Variants in RPTOR observed in about 807,000 individuals in gnomAD.
The protein encoded by RPTOR is regulatory-associated protein of mTOR.
Under a neutral mutation model 169.9 loss-of-function variants are expected in RPTOR, and 21 were observed. The ratio of observed to expected loss-of-function variants is 0.12; its 90% CI spans 0.09 to 0.18. RPTOR has a LOEUF of 0.18. Ranked by LOEUF, RPTOR falls within the 10% of genes least tolerant of loss-of-function variation. RPTOR has a pLI of 1.00. For missense variants in RPTOR, 1,133 were observed against 1,855.9 expected, an observed-to-expected ratio of 0.61 and a Z score of 7.16; for synonymous variants, 732 against 753.2, an observed-to-expected ratio of 0.97 and a Z score of 0.46.
chr17:80,618,772 C>T (rs1278504538), intron 1 of RPTOR, among the ~76,000 whole-genome samples: 2 of 152,148 alleles, frequency 1.3e-5, no homozygotes, highest in Non-Finnish European at 2.9e-5. Flanking sequence ...TTGAAATGAA[C>T]AAAGGAATAT....
Position 80,557,920 on chromosome 17 carries a change from C to T in RPTOR, c.162+12129C>T, listed in dbSNP as rs989382453. Among the ~76,000 whole-genome samples the T allele has an allele frequency of 5.9e-5, 9 of 151,948 alleles. No homozygotes were observed. The South Asian group carries it at 8.3e-4, about 14-fold the overall frequency. ...CAGCCTGGGCGACAGAGCGAGACTC[C>T]GTCTCAAAAAATAATAATAAATAAA... On this transcript the variant is annotated intron_variant, in intron 1 of 33. Coordinates refer to ENST00000306801, the MANE Select transcript of RPTOR (RefSeq NM_020761.3).
At chr17:80,810,436 G>C (rs1360172933) in intron 7 of RPTOR, among the ~76,000 whole-genome samples, 1 of 152,070 alleles carries the variant, frequency 6.6e-6, no homozygotes, top group Non-Finnish European at 1.5e-5. Flanking sequence ...TGGTGCCTTT[G>C]ACAAAAATCA....
At chr17:80,899,893 C>T (rs567657596) in intron 20 of RPTOR, among the ~76,000 whole-genome samples, 32 of 152,234 alleles carry the variant, frequency 2.1e-4, no homozygotes, top group African/African-American at 7.2e-4. Flanking sequence ...TAGGGCACAC[C>T]CTGCCCGCAC....
chr17:80,728,987 G>C (rs183449472), intron 4 of RPTOR, among the ~76,000 whole-genome samples: 5 of 152,164 alleles, frequency 3.3e-5, no homozygotes, highest in Non-Finnish European at 5.9e-5. Flanking sequence ...AGGTAGAATG[G>C]GGTCCTGCCC....
chr17:80,886,551 G>C (rs1489155764), intron 17 of RPTOR, among the ~76,000 whole-genome samples: 3 of 152,228 alleles, frequency 2.0e-5, no homozygotes, highest in African/African-American at 7.2e-5. Context: ...TTAAAGTAAG[G>C]AAAGCTTTGT....
At chr17:80,854,378 C>T (rs1022758864) in intron 11 of RPTOR, among the ~76,000 whole-genome samples, 1 of 152,210 alleles carries the variant, frequency 6.6e-6, no homozygotes, top group Non-Finnish European at 1.5e-5. Flanking sequence ...CAGAGTCACA[C>T]CGCAGTGAGC....
chr17:80,654,100 C>A (rs559439373), intron 3 of RPTOR, among the ~76,000 whole-genome samples: 2 of 152,212 alleles, frequency 1.3e-5, no homozygotes, highest in Non-Finnish European at 2.9e-5. Context: ...CAGGTGGTGC[C>A]GTTTACTTCC....
At chr17:80,610,035 G>A (rs944944502) in intron 1 of RPTOR, among the ~76,000 whole-genome samples, 1 of 152,142 alleles carries the variant, frequency 6.6e-6, no homozygotes, top group African/African-American at 2.4e-5. Flanking sequence ...ATCAGGGAGA[G>A]AATAAGGTTT....
In RPTOR at chr17:80,774,116, T is replaced by A. The variant is rs1038351926; in HGVS notation, c.831-17334T>A. 4.1e-6 allele frequency: 4 copies of A among 985,302 alleles called. No homozygotes were observed. The Admixed American group carries it at 1.8e-4, about 45-fold the overall frequency. The allele number at this position is 985,302 out of a possible 1,614,324, so 61.0% of individuals were successfully genotyped here. ...ACACCTCAAGTTTTTAAAAGGCTCC[T>A]CTCCTGTTGGTGTGACTCGAGGGCG... On this transcript the variant is annotated intron_variant, in intron 6 of 33. Coordinates refer to ENST00000306801, the MANE Select transcript of RPTOR (RefSeq NM_020761.3).
intron 1 of RPTOR, among the ~76,000 whole-genome samples, chr17:80,600,369 A>C (rs1233187673): frequency 6.6e-6 from 1 of 152,210 alleles, no homozygotes; most frequent in Non-Finnish European, 1.5e-5. Flanking sequence ...GGGCCCCCAG[A>C]CTTCTGTGAG....
intron 21 of RPTOR, among the ~76,000 whole-genome samples, chr17:80,910,721 T>A (rs1294984239): frequency 1.3e-5 from 2 of 152,160 alleles, no homozygotes; most frequent in Non-Finnish European, 2.9e-5. Context: ...GCTCCTCAGC[T>A]CCTTTTGCTG....
intron 13 of RPTOR, among the ~76,000 whole-genome samples, chr17:80,863,011 T>A (rs1030066574): frequency 6.6e-6 from 1 of 152,172 alleles, no homozygotes; most frequent in Admixed American, 6.5e-5. Context: ...CCTCCCCTCA[T>A]TTCCCAAGCA....
intron 4 of RPTOR, among the ~76,000 whole-genome samples, chr17:80,717,179 A>G (rs1201600972): frequency 6.6e-6 from 1 of 152,206 alleles, no homozygotes; most frequent in Admixed American, 6.5e-5. Context: ...TCTGATCACC[A>G]GATGTGGCAT....
At chr17:80,613,476 A>G (rs1350704877) in intron 1 of RPTOR, among the ~76,000 whole-genome samples, 2 of 152,240 alleles carry the variant, frequency 1.3e-5, no homozygotes, top group Non-Finnish European at 2.9e-5. Flanking sequence ...CTGTCTCTTC[A>G]TACTTCTTTT....
In RPTOR at chr17:80,823,495, G is replaced by A. The variant is rs946829318; in HGVS notation, c.1136+272G>A. On this transcript the variant is annotated intron_variant, in intron 9 of 33. Coordinates refer to ENST00000306801, the MANE Select transcript of RPTOR (RefSeq NM_020761.3). The surrounding 1 kb of genome is among the most constrained non-coding windows in gnomAD (Gnocchi z 4.5). ...CCTCACAGCTCTGCAACTCGGGAGG[G>A]TAGCACTTTGCAAGAGAGTTTCTAA... 1 of 351,558 alleles carries A rather than the reference G, an allele frequency of 2.8e-6. No individual in the cohort carries two copies. The highest frequency in any genetic ancestry group is 5.2e-6 in the Non-Finnish European group (1 of 192,302). The allele number at this position is 351,558 out of a possible 1,614,324, so 21.8% of individuals were successfully genotyped here.
At chr17:80,784,914 CAG>C (rs2066977180) in intron 6 of RPTOR, among the ~76,000 whole-genome samples, 1 of 151,778 alleles carries the variant, frequency 6.6e-6, no homozygotes, top group African/African-American at 2.4e-5. Flanking sequence ...TTAGTAGAGA[CAG>C]AGTTTCTCCA....
At chr17:80,786,868 C>T (rs554874215) in intron 6 of RPTOR, among the ~76,000 whole-genome samples, 19 of 152,358 alleles carry the variant, frequency 1.2e-4, no homozygotes, top group African/African-American at 3.6e-4. Context: ...CACTTGTTTG[C>T]GTACCCAGCC....
intron 13 of RPTOR, among the ~76,000 whole-genome samples, chr17:80,870,770 A>G (rs1291894763): frequency 6.6e-6 from 1 of 152,230 alleles, no homozygotes; most frequent in African/African-American, 2.4e-5. Context: ...GAACAGTTTT[A>G]GATTTACAGA....
At chr17:80,950,593 C>T (rs530390977) in intron 28 of RPTOR, among the ~76,000 whole-genome samples, 1 of 152,276 alleles carries the variant, frequency 6.6e-6, no homozygotes, top group African/African-American at 2.4e-5. Flanking sequence ...TTTCCTGTTG[C>T]TTCTGTCCTG....
Sources: gnomAD v4.1 joint callset for allele counts (sites outside exome capture counted in the v4.1 genomes callset) on GRCh38, gnomAD v4.1.1 for gene constraint, Gnocchi (gnomAD v3.1) non-coding constraint, MANE v1.5 for transcripts, NCBI Gene and HGNC (gene_info 2026-07-23, HGNC 2026-07-21) for gene names.